GNAO1: variants seen among roughly 807,000 people sequenced by gnomAD.
The protein encoded by GNAO1 is guanine nucleotide-binding protein G(o) subunit alpha.
For missense variants in GNAO1, 166 were observed against 478.7 expected, an observed-to-expected ratio of 0.35 and a Z score of 6.10; for synonymous variants, 164 against 180.7, an observed-to-expected ratio of 0.91 and a Z score of 0.74.
At chr16:56,229,497 T>C (rs1156475636) in intron 2 of GNAO1, among the ~76,000 whole-genome samples, 1 of 152,166 alleles carries the variant, frequency 6.6e-6, no homozygotes, top group Non-Finnish European at 1.5e-5. Context: ...CGTGAGCCAC[T>C]GTGCCCTGCC....
At chr16:56,344,247 C>T in intron 6 of GNAO1, 2 of 1,345,098 alleles carry the variant, frequency 1.5e-6, no homozygotes, top group Non-Finnish European at 1.9e-6. Context: ...CAGGGCAGGG[C>T]CCAGATGGGC....
chr16:56,210,095 C>T (rs1035435973), intron 2 of GNAO1, among the ~76,000 whole-genome samples: 15 of 152,252 alleles, frequency 9.9e-5, no homozygotes, highest in African/African-American at 2.2e-4. Context: ...TTTTTACTGT[C>T]GCTATAGCTT....
intron 3 of GNAO1, among the ~76,000 whole-genome samples, chr16:56,301,352 A>C (rs535366052): frequency 1.5e-4 from 23 of 152,354 alleles, no homozygotes; most frequent in African/African-American, 5.5e-4. Flanking sequence ...AAGGCCTTAC[A>C]GAAGGGATGT....
intron 2 of GNAO1, among the ~76,000 whole-genome samples, chr16:56,225,767 A>G (rs1181855658): frequency 6.6e-6 from 1 of 152,140 alleles, no homozygotes; most frequent in African/African-American, 2.4e-5. Flanking sequence ...GGGAGCTGCC[A>G]TTCTAGTTTC....
intron 2 of GNAO1, among the ~76,000 whole-genome samples, chr16:56,209,493 C>T (rs1230061899): frequency 6.6e-6 from 1 of 152,204 alleles, no homozygotes. Flanking sequence ...TGCATGCACA[C>T]ACACACATCC....
At chr16:56,240,290 G>A (rs930306588) in intron 2 of GNAO1, among the ~76,000 whole-genome samples, 1 of 152,114 alleles carries the variant, frequency 6.6e-6, no homozygotes, top group Non-Finnish European at 1.5e-5. Flanking sequence ...GTGCTTGTCT[G>A]TATGGTCATG....
At chr16:56,344,937 G>T in intron 6 of GNAO1, 1 of 985,222 alleles carries the variant, frequency 1.0e-6, no homozygotes, top group Non-Finnish European at 1.2e-6. Flanking sequence ...TCTTGGTGAA[G>T]AAATCAGCGA....
intron 3 of GNAO1, among the ~76,000 whole-genome samples, chr16:56,328,423 A>G (rs562952684): frequency 6.6e-6 from 1 of 152,136 alleles, no homozygotes; most frequent in African/African-American, 2.4e-5. Context: ...TAGGACATCC[A>G]TGTGGTAGAA....
At chr16:56,238,464 A>T (rs545868740) in intron 2 of GNAO1, among the ~76,000 whole-genome samples, 35 of 152,236 alleles carry the variant, frequency 2.3e-4, no homozygotes, top group Non-Finnish European at 4.6e-4. Context: ...ACAGCACCAC[A>T]GTCACAGAGT....
chr16:56,282,775 G>C (rs1422509490), intron 3 of GNAO1, among the ~76,000 whole-genome samples: 1 of 152,238 alleles, frequency 6.6e-6, no homozygotes, highest in Admixed American at 6.5e-5. Flanking sequence ...CAAAAAAGCA[G>C]GATATCTTGT....
intron 2 of GNAO1, among the ~76,000 whole-genome samples, chr16:56,206,048 T>A (rs1056344090): frequency 2.5e-4 from 38 of 152,014 alleles, no homozygotes; most frequent in African/African-American, 7.5e-4. Context: ...GGGCCGGGCG[T>A]GGTGCCTCAC....
chr16:56,229,655 A>G (rs1036715350), intron 2 of GNAO1, among the ~76,000 whole-genome samples: 9 of 150,214 alleles, frequency 6.0e-5, no homozygotes, highest in Admixed American at 1.3e-4. Context: ...ATGGATGAAT[A>G]AATAGATAGA....
In GNAO1 at chr16:56,311,974, C is replaced by T. The variant is rs2037463235; in HGVS notation, c.304-16657C>T. ...TTCCCCTGGGTGGGCACCAGCCAAG[C>T]CCTCTGGGAGCTGAGAAGAGCAGGT... is the stretch of plus-strand genomic sequence containing the variant. On this transcript the variant is annotated intron_variant, in intron 3 of 8. Coordinates refer to ENST00000262493, the MANE Select transcript of GNAO1 (RefSeq NM_020988.3). This position sits in a 1 kb window ranked among gnomAD's most constrained non-coding sequence, Gnocchi z 5.2. Among the ~76,000 whole-genome samples the T allele has an allele frequency of 6.6e-6, 1 of 152,174 alleles. No individual in the cohort carries two copies. Among genetic ancestry groups the T allele is most frequent in the African/African-American group, 2.4e-5 (1 of 41,432 alleles).
chr16:56,306,685 A>G (rs2037399986), intron 3 of GNAO1, among the ~76,000 whole-genome samples: 1 of 152,196 alleles, frequency 6.6e-6, no homozygotes, highest in Non-Finnish European at 1.5e-5. Context: ...ACATGAAGCC[A>G]GGCTTCATCT....
At chr16:56,232,670 C>T (rs1253977913) in intron 2 of GNAO1, among the ~76,000 whole-genome samples, 1 of 152,202 alleles carries the variant, frequency 6.6e-6, no homozygotes, top group Non-Finnish European at 1.5e-5. Flanking sequence ...AGACCACTCA[C>T]ACAAGGGAGT....
intron 3 of GNAO1, among the ~76,000 whole-genome samples, chr16:56,327,404 G>A (rs1160263887): frequency 6.6e-6 from 1 of 152,152 alleles, no homozygotes; most frequent in Admixed American, 6.5e-5. Flanking sequence ...AGGAGCTGAA[G>A]AGGCGCAGGG....
intron 2 of GNAO1, among the ~76,000 whole-genome samples, chr16:56,240,706 T>A (rs2036686399): frequency 6.6e-6 from 1 of 152,140 alleles, no homozygotes; most frequent in South Asian, 2.1e-4. Context: ...TGGTTGGTCT[T>A]AGATTTCCCC....
chr16:56,253,639 T>A (rs2036819499), intron 2 of GNAO1, among the ~76,000 whole-genome samples: 1 of 152,228 alleles, frequency 6.6e-6, no homozygotes, highest in Non-Finnish European at 1.5e-5. Context: ...CTCTTCAGCC[T>A]CCATGCTGAG....
At chr16:56,343,894 G>C in intron 6 of GNAO1, 1 of 1,614,198 alleles carries the variant, frequency 6.2e-7, no homozygotes, top group Non-Finnish European at 8.5e-7. Context: ...GTTTGTCTTT[G>C]ATGCTGTGAC....
Sources: gnomAD v4.1 joint callset for allele counts (sites outside exome capture counted in the v4.1 genomes callset) on GRCh38, gnomAD v4.1.1 for gene constraint, Gnocchi (gnomAD v3.1) non-coding constraint, MANE v1.5 for transcripts, NCBI Gene and HGNC (gene_info 2026-07-23, HGNC 2026-07-21) for gene names.